Variants in CCDC7 observed in about 807,000 individuals in gnomAD.
CCDC7 encodes the protein coiled-coil domain containing 7.
A neutral mutation model predicts 196.9 loss-of-function variants in CCDC7; 183 were observed. The observed-to-expected ratio is 0.93, with a 90% CI of 0.82 to 1.05. The LOEUF is 1.05. CCDC7 is among the 50% of genes least tolerant of loss of function. The pLI is 0.00. For missense variants in CCDC7, 1,540 were observed against 1,482.2 expected (o/e 1.04, Z -0.64); for synonymous variants, 525 against 484.6 (o/e 1.08, Z -1.10).
chr10:32,636,285 T>TACATA, intron 20 of CCDC7, among the ~76,000 whole-genome samples: 1 of 152,240 alleles, frequency 6.6e-6, no homozygotes, highest in Non-Finnish European at 1.5e-5. Flanking sequence ...ACGTGCAGGT[T>TACATA]TGTTACATAT....
chr10:32,567,984 A>C, intron 15 of CCDC7, 93 bp downstream of exon 16: 1 of 1,291,708 alleles, frequency 7.7e-7, no homozygotes, highest in Non-Finnish European at 1.0e-6. Flanking sequence ...TGTTATTTAA[A>C]AATTCATGCC....
chr10:32,601,427 G>A (rs1476444419), intron 18 of CCDC7, among the ~76,000 whole-genome samples: 2 of 152,192 alleles, frequency 1.3e-5, no homozygotes, highest in Non-Finnish European at 2.9e-5. Flanking sequence ...ACTTTTGACT[G>A]TTCTGCAGAC....
intron 24 of CCDC7, among the ~76,000 whole-genome samples, chr10:32,707,809 A>G (rs1373826722): frequency 6.6e-6 from 1 of 152,222 alleles, no homozygotes; most frequent in African/African-American, 2.4e-5. Flanking sequence ...CCACTGCTCA[A>G]TGAAATAAAA....
rs1388302601 is a variant in CCDC7 at position 32,723,047 on chromosome 10, C to T, written c.2570-3687C>T. 3.9e-5 allele frequency among the ~76,000 whole-genome samples: 6 copies of T among 152,172 alleles called. No individual in the cohort carries two copies. In the East Asian group the frequency reaches 5.8e-4, roughly 15 times the overall value. On this transcript the variant is annotated intron_variant, in intron 25 of 41. Coordinates refer to ENST00000639629, the Ensembl canonical transcript of CCDC7. ...TCACTGGGAGGAGCAGAAGGAATAG[C>T]GCTTTATTAATCAGGATCCATTACT...
intron 18 of CCDC7, among the ~76,000 whole-genome samples, chr10:32,604,348 A>G (rs1474601319): frequency 1.3e-5 from 2 of 152,100 alleles, no homozygotes; most frequent in African/African-American, 4.8e-5. Context: ...GCCTTGTAGT[A>G]TATTTTGAAG....
At chr10:32,816,201 G>A (rs900727314) in intron 31 of CCDC7, among the ~76,000 whole-genome samples, 2 of 152,214 alleles carry the variant, frequency 1.3e-5, no homozygotes, top group Middle Eastern at 6.3e-3. Context: ...CCTGCGCATG[G>A]CTCGGAGGGT....
chr10:32,869,018 A>G (rs1282052954), intron 41 of CCDC7, among the ~76,000 whole-genome samples: 1 of 152,086 alleles, frequency 6.6e-6, no homozygotes, highest in Admixed American at 6.6e-5. Context: ...GAATAGTGCC[A>G]CAATAAACAT....
intron 9 of CCDC7, chr10:32,512,631 C>T (rs559702057): frequency 1.1e-4 from 17 of 152,228 alleles, no homozygotes; most frequent in African/African-American, 4.1e-4. Flanking sequence ...GAATTCAACT[C>T]CCAAAACTGA....
chr10:32,465,484 T>C (rs1263866794), intron 5 of CCDC7, among the ~76,000 whole-genome samples: 2 of 151,712 alleles, frequency 1.3e-5, no homozygotes, highest in Non-Finnish European at 2.9e-5. Context: ...ATATTATTGA[T>C]CGTGCCCTCA....
intron 16 of CCDC7, among the ~76,000 whole-genome samples, chr10:32,577,266 G>A (rs2058308583): frequency 6.6e-6 from 1 of 152,116 alleles, no homozygotes; most frequent in Admixed American, 6.6e-5. Context: ...GGAGGCTGAG[G>A]CAGAGGAATC....
upstream of CCDC7, among the ~76,000 whole-genome samples, chr10:32,448,578 A>C (rs983691219): frequency 2.0e-5 from 3 of 152,010 alleles, no homozygotes; most frequent in African/African-American, 7.2e-5. Flanking sequence ...TATTCTCTAA[A>C]ATAGTATGTT....
intron 18 of CCDC7, among the ~76,000 whole-genome samples, chr10:32,613,106 A>G (rs981705715): frequency 6.6e-6 from 1 of 151,194 alleles, no homozygotes; most frequent in Non-Finnish European, 1.5e-5. Context: ...AGAACTTCTT[A>G]TTGGTCTATT....
At chr10:32,451,499 C>T, upstream of CCDC7, 1 of 1,223,514 alleles carries the variant, frequency 8.2e-7, no homozygotes, top group Non-Finnish European at 1.1e-6. Context: ...GTACTCTGAG[C>T]AAATTGCTAA....
At chr10:32,542,260 G>A (rs192069503) in intron 11 of CCDC7, among the ~76,000 whole-genome samples, 20 of 152,272 alleles carry the variant, frequency 1.3e-4, no homozygotes, top group African/African-American at 3.4e-4. Flanking sequence ...ATGCAAACTT[G>A]TTCCAACATA....
At chr10:32,660,463 T>C (rs927854608) in intron 20 of CCDC7, among the ~76,000 whole-genome samples, 4 of 133,916 alleles carry the variant, frequency 3.0e-5, no homozygotes, top group African/African-American at 8.5e-5. Flanking sequence ...ACTCATCATT[T>C]TTTATGGCTG....
At chr10:32,565,444 T>C in intron 13 of CCDC7, 114 bp from the exon 15 acceptor site, 1 of 1,064,562 alleles carries the variant, frequency 9.4e-7, no homozygotes, top group South Asian at 1.8e-5. Flanking sequence ...GTTCAATGTC[T>C]ATGCTCAATT....
intron 18 of CCDC7, among the ~76,000 whole-genome samples, chr10:32,613,779 T>C (rs2062452914): frequency 1.3e-5 from 2 of 151,958 alleles, no homozygotes; most frequent in South Asian, 4.1e-4. Flanking sequence ...TGATTTCTGT[T>C]CTTTTGCATT....
At chr10:32,543,003 TAGTG>T (rs1564600060) in intron 11 of CCDC7, among the ~76,000 whole-genome samples, 2 of 152,208 alleles carry the variant, frequency 1.3e-5, no homozygotes, top group Non-Finnish European at 2.9e-5. Flanking sequence ...TGTTTTTGCA[TAGTG>T]AGGTGATTTT....
At chr10:32,540,144 C>T (rs1476794376) in intron 11 of CCDC7, among the ~76,000 whole-genome samples, 1 of 139,854 alleles carries the variant, frequency 7.2e-6, no homozygotes, top group African/African-American at 2.5e-5. Flanking sequence ...GTGTGTGGGT[C>T]TAAGTCTCTT....
Sources: gnomAD v4.1 joint callset for allele counts (sites outside exome capture counted in the v4.1 genomes callset) on GRCh38, gnomAD v4.1.1 for gene constraint, MANE v1.5 for transcripts, NCBI Gene and HGNC (gene_info 2026-07-23, HGNC 2026-07-21) for gene names.